The following ABCB1 variants were observed in gnomAD, a reference collection of about 807,000 sequenced individuals.
ABCB1 encodes ATP binding cassette subfamily B member 1.
Under a neutral mutation model 142.0 loss-of-function variants are expected in ABCB1, and 69 were observed. The observed-to-expected ratio is 0.49, with a 90% CI of 0.40 to 0.59. The LOEUF (loss-of-function observed/expected upper bound fraction) is 0.59. ABCB1 is among the 20% of genes least tolerant of loss of function. The pLI is 0.00. For synonymous variants in ABCB1, 532 were observed against 539.2 expected, an observed-to-expected ratio of 0.99 and a Z score of 0.18; for missense variants, 1,326 against 1,554.7, an observed-to-expected ratio of 0.85 and a Z score of 2.47.
intron 1 of ABCB1, among the ~76,000 whole-genome samples, chr7:87,688,223 A>G (rs561557119): frequency 6.6e-6 from 1 of 152,136 alleles, no homozygotes; most frequent in Non-Finnish European, 1.5e-5. Context: ...ATCCGGGGTT[A>G]TGTATACCTT....
chr7:87,548,874 C>A (rs1363088238), intron 14 of ABCB1, among the ~76,000 whole-genome samples: 1 of 152,156 alleles, frequency 6.6e-6, no homozygotes, highest in Non-Finnish European at 1.5e-5. Context: ...CTGCCCCTTT[C>A]CTGGAAATAA....
rs60247941 is a variant in ABCB1, at chr7:87,549,441, G to A, written c.1632C>T (p.Ala544=). The A allele has an allele frequency of 9.9e-6, 16 of 1,614,000 alleles. No individual in the cohort carries two copies. The highest frequency in any genetic ancestry group is 3.3e-4 in the Middle Eastern group (2 of 6,084). ...GGAGGATCTTGGGGTTGCGAACCAG[G>A]GCACGTGCAATGGCGATCCTCTGCT... The part of the protein sequence containing the change: ...GQKQRIAIAR[A]LVRNPKILLL... Residue 544 remains alanine, a synonymous_variant, in exon 14 of 28, where the codon GCC becomes GCT. Transcript: ENST00000622132.
chr7:87,641,012 T>C (rs1285711598), intron 1 of ABCB1, among the ~76,000 whole-genome samples: 1 of 152,216 alleles, frequency 6.6e-6, no homozygotes, highest in Non-Finnish European at 1.5e-5. Context: ...ATTATCTTTA[T>C]ATCTACTTTT....
rs200280095 is a variant in ABCB1 at position 87,519,381 on chromosome 7, G to A, written c.2872C>T (p.Arg958Trp). 2.6e-5 allele frequency: 42 copies of A among 1,613,952 alleles called. No individual in the cohort carries two copies. The highest frequency in any genetic ancestry group is 3.3e-5 in the South Asian group (3 of 91,082). Reference protein sequence around the residue: ...MMYFSYAGCFRFGAYLVAHKL... With the variant: ...MMYFSYAGCFWFGAYLVAHKL... Reference sequence around the variant, plus strand: ...TGTGCCACCAAGTAGGCTCCAAACCGGAAACATCCAGCATAGGAAAAATAC... The same window carrying A: ...TGTGCCACCAAGTAGGCTCCAAACCAGAAACATCCAGCATAGGAAAAATAC... The change falls in exon 23 of 28, where the codon CGG becomes TGG. Residue 958 changes from arginine (R) to tryptophan (W), a missense_variant. Physicochemically the swap from Arg to Trp is moderately radical, Grantham distance 101. Coordinates refer to ENST00000622132, the MANE Select transcript of ABCB1 (RefSeq NM_001348946.2).
chr7:87,511,393 T>A (rs892992160), intron 25 of ABCB1, among the ~76,000 whole-genome samples: 1 of 152,346 alleles, frequency 6.6e-6, no homozygotes, highest in East Asian at 1.9e-4. Flanking sequence ...ATTAAAATGA[T>A]TGGCTATCTC....
At chr7:87,567,702 T>C (rs1432643116) in intron 5 of ABCB1, among the ~76,000 whole-genome samples, 1 of 152,188 alleles carries the variant, frequency 6.6e-6, no homozygotes, top group African/African-American at 2.4e-5. Flanking sequence ...CAATTTAAAT[T>C]CTAGCATTAA....
At chr7:87,693,844 C>T in intron 1 of ABCB1, 1 of 1,533,068 alleles carries the variant, frequency 6.5e-7, no homozygotes. Context: ...CAGTTTGGAA[C>T]TGTAAACATG....
chr7:87,564,182 T>A, intron 7 of ABCB1: 2 of 450,062 alleles, frequency 4.4e-6, no homozygotes, highest in South Asian at 3.2e-5. Context: ...TTTAAAAAGT[T>A]AAAATAAAAT....
At chr7:87,577,319 A>G (rs1346298304) in intron 4 of ABCB1, among the ~76,000 whole-genome samples, 2 of 152,116 alleles carry the variant, frequency 1.3e-5, no homozygotes, top group Non-Finnish European at 1.5e-5. Context: ...TTACTTGCTG[A>G]TGGACACTTA....
At chr7:87,676,440 C>T (rs181078776) in intron 1 of ABCB1, among the ~76,000 whole-genome samples, 16 of 152,186 alleles carry the variant, frequency 1.1e-4, no homozygotes, top group East Asian at 3.9e-4. Context: ...GTGGCTCACA[C>T]CTATAATTCC....
In ABCB1 at chr7:87,549,566, A is replaced by C. The variant is rs143309073; in HGVS notation, c.1555-48T>G. ...ATTTAGCATAAGGACAAGCTATCTCAGCTCATATTTTAAATTGGTAAGGAA... is the reference window on the plus strand; with the variant it reads ...ATTTAGCATAAGGACAAGCTATCTCCGCTCATATTTTAAATTGGTAAGGAA... On this transcript the variant is annotated intron_variant, in intron 13 of 27. Coordinates refer to ENST00000622132, the MANE Select transcript of ABCB1 (RefSeq NM_001348946.2). 7.3e-5 allele frequency: 118 copies of C among 1,613,512 alleles called. No individual in the cohort carries two copies. The African/African-American group carries it at 1.2e-3, about 17-fold the overall frequency.
At chr7:87,635,589 C>T (rs899288611) in intron 1 of ABCB1, among the ~76,000 whole-genome samples, 2 of 152,046 alleles carry the variant, frequency 1.3e-5, no homozygotes, top group African/African-American at 4.8e-5. Context: ...TTATTTCTAG[C>T]TCTACTATGC....
intron 7 of ABCB1, chr7:87,565,369 T>A (rs1817744690): frequency 2.5e-6 from 1 of 402,492 alleles, no homozygotes; most frequent in Non-Finnish European, 4.9e-6. Flanking sequence ...CAGTTTAAAA[T>A]TAACACCATG....
intron 21 of ABCB1, chr7:87,522,307 C>T: frequency 1.3e-6 from 1 of 768,520 alleles, no homozygotes; most frequent in Non-Finnish European, 2.3e-6. Flanking sequence ...GAGGCAGAAG[C>T]TCTGGCCCCT....
chr7:87,540,754 T>C (rs1816500565), intron 18 of ABCB1, among the ~76,000 whole-genome samples: 1 of 152,202 alleles, frequency 6.6e-6, no homozygotes, highest in South Asian at 2.1e-4. Context: ...CTGGCCCTCA[T>C]ACTAAACTTT....
chr7:87,644,055 C>T (rs1822731169), intron 1 of ABCB1, among the ~76,000 whole-genome samples: 2 of 152,102 alleles, frequency 1.3e-5, no homozygotes, highest in South Asian at 4.1e-4. Context: ...GATGGAGTTT[C>T]ACCATGTTGG....
chr7:87,679,069 A>G (rs2130574950), intron 1 of ABCB1, among the ~76,000 whole-genome samples: 1 of 144,888 alleles, frequency 6.9e-6, no homozygotes, highest in South Asian at 2.2e-4. Flanking sequence ...GCCAACTGAC[A>G]TTTATAAAAC....
intron 21 of ABCB1, among the ~76,000 whole-genome samples, chr7:87,530,361 C>T (rs1043976634): frequency 2.6e-5 from 4 of 152,104 alleles, no homozygotes; most frequent in African/African-American, 9.7e-5. Flanking sequence ...GAAAGAGAAA[C>T]AACTTTGGAG....
chr7:87,699,503 A>T (rs1828819042), intron 1 of ABCB1, among the ~76,000 whole-genome samples: 1 of 152,114 alleles, frequency 6.6e-6, no homozygotes, highest in South Asian at 2.1e-4. Context: ...TCTTGTGTTC[A>T]AGTGATCCTC....
Sources: gnomAD v4.1 joint callset for allele counts (sites outside exome capture counted in the v4.1 genomes callset) on GRCh38, gnomAD v4.1.1 for gene constraint, MANE v1.5 for transcripts, NCBI Gene and HGNC (gene_info 2026-07-23, HGNC 2026-07-21) for gene names.